HEATR3: variants seen among roughly 807,000 people sequenced by gnomAD.
HEATR3 encodes HEAT repeat-containing protein 3.
A neutral mutation model predicts 72.8 loss-of-function variants in HEATR3; 56 were observed. That is an observed-to-expected ratio of 0.77 (90% CI 0.62 to 0.96). The LOEUF (loss-of-function observed/expected upper bound fraction) is 0.96. Among genes scored for constraint, HEATR3 ranks in the 40% least tolerant of loss-of-function variants. The pLI is 0.00. For missense variants in HEATR3, 747 were observed against 831.4 expected (o/e 0.90, Z 1.25); for synonymous variants, 331 against 318.1 (o/e 1.04, Z -0.43).
In HEATR3 at chr16:50,072,502, C is replaced by T. The variant is rs867928475; in HGVS notation, c.513-103C>T. ...AAATGGTGGGTGTTTGATTCCAACTCCTTGGTTTATAAAGCCTCGTTTGTT... is the reference window on the plus strand; with the variant it reads ...AAATGGTGGGTGTTTGATTCCAACTTCTTGGTTTATAAAGCCTCGTTTGTT... On this transcript the variant is annotated intron_variant, in intron 4 of 14. Coordinates refer to ENST00000299192, the MANE Select transcript of HEATR3 (RefSeq NM_182922.4). 4.2e-6 allele frequency: 3 copies of T among 708,108 alleles called. No homozygotes were observed. In the African/African-American group the frequency reaches 5.4e-5, roughly 13 times the overall value. 43.9% of individuals were successfully genotyped at this position (708,108 alleles called of 1,614,324 possible). A position where few individuals can be genotyped will look rare whatever the true frequency, so the allele number is the denominator to read the frequency against.
intron 11 of HEATR3, among the ~76,000 whole-genome samples, chr16:50,091,897 G>A (rs192493896): frequency 5.3e-5 from 8 of 150,298 alleles, no homozygotes; most frequent in East Asian, 1.9e-4. Flanking sequence ...AAAAAATATC[G>A]TTCAAAGTTG....
At chr16:50,095,915 C>A (rs186378772) in intron 12 of HEATR3, among the ~76,000 whole-genome samples, 1 of 152,232 alleles carries the variant, frequency 6.6e-6, no homozygotes, top group Admixed American at 6.5e-5. Context: ...AACCCCAGTA[C>A]CATTACCCCA....
In HEATR3 at chr16:50,100,259, A is replaced by G; in HGVS notation, c.1629A>G (p.Leu543=). 2.5e-6 allele frequency: 4 copies of G among 1,614,000 alleles called. No individual in the cohort carries two copies. The highest frequency in any genetic ancestry group is 2.2e-5 in the South Asian group (2 of 91,080). ...TGACTCCTGATCAGCTGATGACATT[A>G]TGCAAAGCAGGCATTCATAGTAGTA... ...QCMTPDQLMT[L]CKAGIHSSNV... The change falls in exon 13 of 15, where the codon TTA becomes TTG. Residue 543 remains leucine, a synonymous_variant. Transcript: ENST00000299192.
At chr16:50,104,864 T>C in intron 14 of HEATR3, 75 bp from the exon 15 acceptor site, 1 of 1,364,038 alleles carries the variant, frequency 7.3e-7, no homozygotes, top group East Asian at 2.5e-5. Context: ...AAATACACCC[T>C]AAATTAAATA....
chr16:50,070,827 T>C (rs1331820426), intron 4 of HEATR3, among the ~76,000 whole-genome samples: 2 of 152,184 alleles, frequency 1.3e-5, no homozygotes, highest in East Asian at 3.9e-4. Flanking sequence ...AGTCATTGCA[T>C]CTGACAAAAG....
rs1407153821 is a variant in HEATR3 at position 50,082,803 on chromosome 16, C to A, written c.1042-1134C>A. ...GTAAATTTTTTTTCTTTTTCTTTTT[C>A]TTTTTTTCTTTTTTTTTGAGATGGA... is the stretch of plus-strand genomic sequence containing the variant. On this transcript the variant is annotated intron_variant, in intron 7 of 14. Coordinates refer to ENST00000299192, the MANE Select transcript of HEATR3 (RefSeq NM_182922.4). 2.7e-5 allele frequency among the ~76,000 whole-genome samples: 4 copies of A among 146,794 alleles called. No individual in the cohort carries two copies. In the East Asian group the frequency reaches 6.0e-4, roughly 22 times the overall value.
At chr16:50,083,126 T>G (rs191919437) in intron 7 of HEATR3, among the ~76,000 whole-genome samples, 1 of 151,738 alleles carries the variant, frequency 6.6e-6, no homozygotes, top group Non-Finnish European at 1.5e-5. Flanking sequence ...AGAGTGAGAC[T>G]CTGTCTCTAA....
chr16:50,082,159 T>G (rs981134781), intron 7 of HEATR3, among the ~76,000 whole-genome samples: 1 of 152,110 alleles, frequency 6.6e-6, no homozygotes, highest in Non-Finnish European at 1.5e-5. Flanking sequence ...CTGGCCAATA[T>G]GGTGAAACCC....
At chr16:50,085,330 T>TA (rs1301626693) in intron 10 of HEATR3, among the ~76,000 whole-genome samples, 2 of 152,146 alleles carry the variant, frequency 1.3e-5, no homozygotes, top group African/African-American at 4.8e-5. Flanking sequence ...ATTTCACAAT[T>TA]AAAAATAATT....
At chr16:50,069,015 T>C in intron 3 of HEATR3, 148 bp downstream of exon 3, 2 of 610,376 alleles carry the variant, frequency 3.3e-6, no homozygotes. Context: ...TCTGCTCTCA[T>C]TATTGATACT....
chr16:50,066,531 C>A lies in HEATR3; in HGVS notation c.303C>A (p.Gly101=). 7.6e-7 allele frequency: 1 copy of A among 1,308,366 alleles called. No homozygotes were observed. Among genetic ancestry groups the A allele is most frequent in the South Asian group, 2.3e-5 (1 of 44,082 alleles). The allele number at this position is 1,308,366 out of a possible 1,614,324, so 81.0% of individuals were successfully genotyped here. The change falls in exon 2 of 15, where the codon GGC becomes GGA. Residue 101 remains glycine (G), a synonymous_variant. Coordinates refer to ENST00000299192, the MANE Select transcript of HEATR3 (RefSeq NM_182922.4). ...TGGCCGTCAGGGAGACTGCAGCCGG[C>A]GCGCTGAGGTGAGCCAGGAAGGGTG... The part of the protein sequence containing the change: ...PSLAVRETAA[G]ALRNLSACGG...
chr16:50,096,655 C>A (rs890985659), intron 12 of HEATR3, among the ~76,000 whole-genome samples: 1 of 151,764 alleles, frequency 6.6e-6, no homozygotes, highest in Admixed American at 6.6e-5. Context: ...AAAAATCAGC[C>A]GGGCATGGTG....
intron 7 of HEATR3, among the ~76,000 whole-genome samples, chr16:50,082,384 A>G (rs886777598): frequency 1.3e-5 from 2 of 152,086 alleles, no homozygotes; most frequent in African/African-American, 2.4e-5. Flanking sequence ...ATTTTCGTAT[A>G]TTTTAAGTGA....
At chr16:50,103,799 G>A (rs1185030108) in intron 14 of HEATR3, among the ~76,000 whole-genome samples, 3 of 151,966 alleles carry the variant, frequency 2.0e-5, no homozygotes, top group African/African-American at 7.3e-5. Context: ...CCCCAGGTGG[G>A]AGGATCACTC....
intron 5 of HEATR3, chr16:50,074,074 A>G (rs909429764): frequency 2.0e-5 from 3 of 152,238 alleles, no homozygotes; most frequent in Non-Finnish European, 1.5e-5. Flanking sequence ...ACAGAAATGC[A>G]TATATGTGGA....
chr16:50,098,986 T>C (rs2037308008), intron 12 of HEATR3, among the ~76,000 whole-genome samples: 1 of 152,094 alleles, frequency 6.6e-6, no homozygotes, highest in Non-Finnish European at 1.5e-5. Context: ...AAAATTTTTT[T>C]ATACTTTATT....
At chr16:50,079,847 T>C (rs1330210925) in intron 7 of HEATR3, among the ~76,000 whole-genome samples, 3 of 152,192 alleles carry the variant, frequency 2.0e-5, no homozygotes, top group Non-Finnish European at 4.4e-5. Flanking sequence ...CATAAAACCA[T>C]GGCTCTAAGG....
chr16:50,084,462 A>T, intron 9 of HEATR3, 107 bp from the exon 10 acceptor site: 3 of 1,129,188 alleles, frequency 2.7e-6, no homozygotes, highest in African/African-American at 1.5e-5. Flanking sequence ...GTCATTCTAT[A>T]TGAAGCCTAA....
chr16:50,103,464 G>A (rs948842216), intron 14 of HEATR3, among the ~76,000 whole-genome samples: 10 of 152,182 alleles, frequency 6.6e-5, no homozygotes, highest in Admixed American at 2.6e-4. Context: ...GCTGCAAAAT[G>A]CATTTATGTA....
Sources: gnomAD v4.1 joint callset for allele counts (sites outside exome capture counted in the v4.1 genomes callset) on GRCh38, gnomAD v4.1.1 for gene constraint, MANE v1.5 for transcripts, NCBI Gene and HGNC (gene_info 2026-07-23, HGNC 2026-07-21) for gene names.